Variants in PRICKLE1 observed in about 807,000 individuals in gnomAD.
PRICKLE1 encodes the protein prickle planar cell polarity protein 1.
In PRICKLE1, 14 loss-of-function variants were observed where a neutral mutation model predicts 70.2. The ratio of observed to expected loss-of-function variants is 0.20; its 90% confidence interval spans 0.13 to 0.31. The LOEUF (loss-of-function observed/expected upper bound fraction) is 0.31, where lower values mean the gene tolerates loss of function less well. PRICKLE1 is among the 10% of genes least tolerant of loss of function. The pLI is 1.00. For synonymous variants in PRICKLE1, 357 were observed against 379.9 expected (o/e 0.94, Z 0.70); for missense variants, 821 against 1,026.2 (o/e 0.80, Z 2.73).
chr12:42,514,887 C>CTCTATCTATCTATCATCTATCTA (rs753352201), intron 1 of PRICKLE1, among the ~76,000 whole-genome samples: 16 of 139,794 alleles, frequency 1.1e-4, no homozygotes, highest in Admixed American at 2.2e-4. Context: ...TTAAGGCTCG[C>CTCTATCTATCTATCATCTATCTA]TCTATCTATC....
chr12:42,578,936 T>C (rs1566134602), intron 1 of PRICKLE1, among the ~76,000 whole-genome samples: 2 of 152,048 alleles, frequency 1.3e-5, no homozygotes. Context: ...TAATTTTTTG[T>C]ATTTTTAGTA....
intron 1 of PRICKLE1, among the ~76,000 whole-genome samples, chr12:42,526,753 CAAA>C (rs55654226): frequency 0.47 from 64,176 of 137,860 alleles, 14,772 homozygotes; most frequent in East Asian, 0.6. Context: ...TCCTCTAAGC[CAAA>C]AAAAAAAAAA....
chr12:42,470,207 T>C (rs1481901742), intron 3 of PRICKLE1, 39 bp downstream of exon 3: 1 of 1,403,658 alleles, frequency 7.1e-7, no homozygotes, highest in Non-Finnish European at 1.0e-6. Flanking sequence ...ATGCATTTTT[T>C]CTTCTTTTTT....
intron 1 of PRICKLE1, among the ~76,000 whole-genome samples, chr12:42,509,015 C>A (rs1246503680): frequency 6.6e-6 from 1 of 152,200 alleles, no homozygotes; most frequent in African/African-American, 2.4e-5. Context: ...ATTTTAGAAC[C>A]TGTTGCTCCA....
chr12:42,507,480 G>A (rs1032331071), intron 1 of PRICKLE1, among the ~76,000 whole-genome samples: 1 of 152,178 alleles, frequency 6.6e-6, no homozygotes, highest in Non-Finnish European at 1.5e-5. Flanking sequence ...GATTCCATCT[G>A]TTCACAATTG....
chr12:42,569,189 T>C (rs926635463), intron 1 of PRICKLE1, among the ~76,000 whole-genome samples: 1 of 152,244 alleles, frequency 6.6e-6, no homozygotes, highest in Non-Finnish European at 1.5e-5. Flanking sequence ...TGATGGCATC[T>C]TAAAATGTAA....
intron 1 of PRICKLE1, among the ~76,000 whole-genome samples, chr12:42,547,252 G>A (rs1328908112): frequency 6.6e-6 from 1 of 152,196 alleles, no homozygotes; most frequent in East Asian, 1.9e-4. Flanking sequence ...CTACTAGGAG[G>A]AAGTGATGTA....
rs1457161105 is a variant in PRICKLE1, at chr12:42,527,201, C to T, written c.-48-54637G>A. 3.6e-5 allele frequency among the ~76,000 whole-genome samples: 5 copies of T among 140,250 alleles called. 1 individual carries two copies. The highest frequency in any genetic ancestry group is 2.3e-4 in the South Asian group (1 of 4,406). 92.0% of individuals were successfully genotyped at this position (140,250 alleles called of 152,430 possible). ...CGGATGGAGTGCAGTGGCACAATCT[C>T]GGCTCACTGCAATCTCTGCCTCCCA... On this transcript the variant is annotated intron_variant, in intron 1 of 7. Coordinates refer to ENST00000345127, the MANE Select transcript of PRICKLE1 (RefSeq NM_153026.3).
intron 1 of PRICKLE1, among the ~76,000 whole-genome samples, chr12:42,562,690 A>G (rs1940537530): frequency 6.6e-6 from 1 of 152,196 alleles, no homozygotes; most frequent in African/African-American, 2.4e-5. Context: ...AAATTTAAAC[A>G]TCAACTATGT....
chr12:42,460,862 G>A, intron 7 of PRICKLE1, 197 bp from the exon 8 acceptor site: 2 of 650,560 alleles, frequency 3.1e-6, no homozygotes, highest in Non-Finnish European at 5.3e-6. Context: ...TAAGGGGTGG[G>A]CACAGCCTTT....
rs535949144 is a variant in PRICKLE1 at position 42,513,652 on chromosome 12, C to T, written c.-48-41088G>A. ...CTATTTACATATCTTCAATGCTGTC[C>T]CCTATGTCTCTCTCTTTTTAAAGTT... On this transcript the variant is annotated intron_variant, in intron 1 of 7. Coordinates refer to ENST00000345127, the MANE Select transcript of PRICKLE1 (RefSeq NM_153026.3). 3.3e-5 allele frequency among the ~76,000 whole-genome samples: 5 copies of T among 151,952 alleles called. No homozygotes were observed. In the South Asian group the frequency reaches 6.2e-4, roughly 19 times the overall value.
chr12:42,577,321 T>C (rs1285319014), intron 1 of PRICKLE1, among the ~76,000 whole-genome samples: 2 of 152,166 alleles, frequency 1.3e-5, no homozygotes, highest in East Asian at 1.9e-4. Flanking sequence ...AGCTGTCACA[T>C]TGAACTCTAA....
rs539997331 is a variant in PRICKLE1, at chr12:42,545,154, T to A, written c.-49+44311A>T. On this transcript the variant is annotated intron_variant, in intron 1 of 7. Coordinates refer to ENST00000345127, the MANE Select transcript of PRICKLE1 (RefSeq NM_153026.3). ...GAGTAGCTGGGACTACAGGTGCGCA[T>A]CACCATGCCCAGCTAATTTTTTTAT... is the stretch of plus-strand genomic sequence containing the variant. 2.4e-4 allele frequency among the ~76,000 whole-genome samples: 37 copies of A among 151,980 alleles called. 1 individual carries two copies. The highest frequency in any genetic ancestry group is 5.9e-5 in the Non-Finnish European group (4 of 67,962).
intron 1 of PRICKLE1, among the ~76,000 whole-genome samples, chr12:42,529,755 G>T (rs962678016): frequency 6.6e-6 from 1 of 152,034 alleles, no homozygotes; most frequent in African/African-American, 2.4e-5. Context: ...AATTAGCCAG[G>T]TATGGTTGCG....
chr12:42,487,490 T>C (rs1410661038), intron 1 of PRICKLE1, among the ~76,000 whole-genome samples: 1 of 152,210 alleles, frequency 6.6e-6, no homozygotes, highest in Admixed American at 6.5e-5. Flanking sequence ...TTAGATTTAC[T>C]ACTCCAATAA....
intron 1 of PRICKLE1, among the ~76,000 whole-genome samples, chr12:42,576,679 C>G (rs1361098869): frequency 1.3e-5 from 2 of 152,182 alleles, no homozygotes; most frequent in Non-Finnish European, 1.5e-5. Flanking sequence ...CACATCATGG[C>G]TCACTGCTGT....
chr12:42,535,910 T>C (rs1940009879), intron 1 of PRICKLE1, among the ~76,000 whole-genome samples: 2 of 152,308 alleles, frequency 1.3e-5, no homozygotes, highest in South Asian at 4.1e-4. Context: ...AATATGATAA[T>C]GAACAAGAGA....
intron 1 of PRICKLE1, among the ~76,000 whole-genome samples, chr12:42,578,718 C>A (rs1940844144): frequency 6.7e-6 from 1 of 150,210 alleles, no homozygotes; most frequent in Non-Finnish European, 1.5e-5. Flanking sequence ...AAACAGAATA[C>A]TGGCTACTAT....
At chr12:42,496,525 TCTC>T (rs748574954) in intron 1 of PRICKLE1, among the ~76,000 whole-genome samples, 3 of 152,118 alleles carry the variant, frequency 2.0e-5, no homozygotes, top group African/African-American at 7.2e-5. Context: ...GGCATCAACT[TCTC>T]CTCTCAAGCT....
Sources: gnomAD v4.1 joint callset for allele counts (sites outside exome capture counted in the v4.1 genomes callset) on GRCh38, gnomAD v4.1.1 for gene constraint, MANE v1.5 for transcripts, NCBI Gene and HGNC (gene_info 2026-07-23, HGNC 2026-07-21) for gene names.